TTLL9: variants seen among roughly 807,000 people sequenced by gnomAD.
TTLL9 encodes the protein probable tubulin polyglutamylase TTLL9.
TTLL9 carries 47 observed loss-of-function variants against 65.6 expected under a neutral mutation model. The ratio of observed to expected loss-of-function variants is 0.72; its 90% CI spans 0.57 to 0.91. TTLL9 has a LOEUF of 0.91. Ranked by LOEUF, TTLL9 falls within the 40% of genes least tolerant of loss-of-function variation. TTLL9 has a pLI of 0.00. For missense variants in TTLL9, 537 were observed against 568.8 expected (o/e 0.94, Z 0.57); for synonymous variants, 179 against 204.8 (o/e 0.87, Z 1.07).
Position 31,898,492 on chromosome 20 carries a change from C to A in TTLL9, c.133C>A (p.Arg45=). Residue 45 remains arginine (R), a synonymous_variant, in exon 4 of 15, where the codon CGG becomes AGG. Coordinates refer to ENST00000535842, the MANE Select transcript of TTLL9 (RefSeq NM_001008409.5). ...GKEREQRASI[R]FKTTLMNTLM... ...TTGCAGAGAGCAGAGAGCATCGATC[C>A]GGTTCAAGACCACCCTCATGAACAC... 1 of 1,614,148 alleles carries A rather than the reference C, an allele frequency of 6.2e-7. No homozygotes were observed. The highest frequency in any genetic ancestry group is 8.5e-7 in the Non-Finnish European group (1 of 1,180,018).
intron 2 of TTLL9, among the ~76,000 whole-genome samples, chr20:31,880,850 T>TC (rs1303728044): frequency 1.7e-5 from 2 of 117,984 alleles, no homozygotes; most frequent in African/African-American, 7.0e-5. Context: ...CTTCTTTCTT[T>TC]CCTTTTTTTT....
intron 14 of TTLL9, among the ~76,000 whole-genome samples, chr20:31,941,572 T>TG (rs1349589791): frequency 1.3e-5 from 2 of 151,990 alleles, no homozygotes; most frequent in Non-Finnish European, 2.9e-5. Context: ...TTATTATTTT[T>TG]TTTTGAGACG....
At chr20:31,905,862 T>C (rs1180189419) in intron 4 of TTLL9, among the ~76,000 whole-genome samples, 1 of 151,992 alleles carries the variant, frequency 6.6e-6, no homozygotes, top group Non-Finnish European at 1.5e-5. Flanking sequence ...GGAGAAACCC[T>C]GTCTCTACTA....
rs112516782 is a variant in TTLL9 at position 31,933,913 on chromosome 20, G to A, written c.807+55G>A. ...GTACAGCCCTCTGGCGCCAGGTCGG[G>A]GTGGGGAGGGTGGAGTGGCAAGGAG... On this transcript the variant is annotated intron_variant, in intron 11 of 14. Transcript: ENST00000535842. 1.4e-4 allele frequency: 208 copies of A among 1,535,458 alleles called. 2 individuals carry two copies. The African/African-American group carries it at 2.1e-3, about 16-fold the overall frequency.
chr20:31,897,920 C>T (rs997046727), intron 3 of TTLL9, among the ~76,000 whole-genome samples: 28 of 152,232 alleles, frequency 1.8e-4, no homozygotes, highest in African/African-American at 4.6e-4. Context: ...AAGCTTTTGT[C>T]GTCTATGCCC....
intron 2 of TTLL9, among the ~76,000 whole-genome samples, chr20:31,873,786 A>G (rs6121252): frequency 2.3e-5 from 3 of 127,916 alleles, no homozygotes; most frequent in Non-Finnish European, 5.1e-5. Context: ...AAGAAAGAAA[A>G]AGAAAGAAAG....
chr20:31,901,783 C>T (rs1464210632), intron 4 of TTLL9, among the ~76,000 whole-genome samples: 1 of 152,222 alleles, frequency 6.6e-6, no homozygotes, highest in African/African-American at 2.4e-5. Flanking sequence ...AGGGTGACTC[C>T]ACCCAGCGTA....
rs1003821003 is a variant in TTLL9 at position 31,919,794 on chromosome 20, C to T, written c.505-70C>T. The T allele has an allele frequency of 3.0e-6, 4 of 1,333,948 alleles. No homozygotes were observed. The African/African-American group carries it at 4.6e-5, about 15-fold the overall frequency. 82.6% of individuals were successfully genotyped at this position (1,333,948 alleles called of 1,614,324 possible). A position where few individuals can be genotyped will look rare whatever the true frequency, so the allele number is the denominator to read the frequency against. On this transcript the variant is annotated intron_variant, in intron 6 of 14. Coordinates refer to ENST00000535842, the MANE Select transcript of TTLL9 (RefSeq NM_001008409.5). ...AGAGACAGATATGCTGGGGAGAGCCCCCAGCCACGGGGGCCAACAAGGAAC... is the reference window on the plus strand; with the variant it reads ...AGAGACAGATATGCTGGGGAGAGCCTCCAGCCACGGGGGCCAACAAGGAAC...
At chr20:31,876,670 T>G (rs937363652) in intron 2 of TTLL9, among the ~76,000 whole-genome samples, 7 of 152,280 alleles carry the variant, frequency 4.6e-5, no homozygotes, top group African/African-American at 1.7e-4. Flanking sequence ...GCCTATAAGA[T>G]ATCGTCTAGT....
intron 9 of TTLL9, chr20:31,925,803 C>A: frequency 1.4e-6 from 2 of 1,392,782 alleles, no homozygotes; most frequent in Non-Finnish European, 2.0e-6. Context: ...GGTGCAAGAG[C>A]TAGGCGGTGT....
chr20:31,936,925 A>C (rs1301940221), intron 12 of TTLL9, among the ~76,000 whole-genome samples: 1 of 151,960 alleles, frequency 6.6e-6, no homozygotes, highest in Non-Finnish European at 1.5e-5. Flanking sequence ...GTGAAACCCC[A>C]TCTCTACTAA....
chr20:31,927,728 C>T (rs1173820650), intron 10 of TTLL9, among the ~76,000 whole-genome samples: 5 of 152,048 alleles, frequency 3.3e-5, no homozygotes, highest in African/African-American at 7.2e-5. Flanking sequence ...GGCAAATGGG[C>T]GGGACCAGAT....
intron 2 of TTLL9, among the ~76,000 whole-genome samples, chr20:31,873,824 G>GAAAGAA (rs2062993550): frequency 2.3e-4 from 10 of 44,178 alleles, no homozygotes; most frequent in African/African-American, 8.9e-4. Flanking sequence ...AAGGAAGGAA[G>GAAAGAA]AAAGAAAGAA....
rs183220159 is a variant in TTLL9 at position 31,907,402 on chromosome 20, C to A, written c.207-1189C>A. ...CGCCATGTGCCATGATGCATGGATA[C>A]ACACATATATACATGATGAAACTAT... On this transcript the variant is annotated intron_variant, in intron 4 of 14. Coordinates refer to ENST00000535842, the MANE Select transcript of TTLL9 (RefSeq NM_001008409.5). 9.9e-5 allele frequency among the ~76,000 whole-genome samples: 15 copies of A among 152,266 alleles called. 1 individual carries two copies. The East Asian group carries it at 2.9e-3, about 29-fold the overall frequency.
At chr20:31,874,488 T>C (rs1341403708) in intron 2 of TTLL9, among the ~76,000 whole-genome samples, 2 of 150,420 alleles carry the variant, frequency 1.3e-5, no homozygotes, top group Non-Finnish European at 2.9e-5. Context: ...CTCGGCTCAG[T>C]GCAACCTCTG....
intron 4 of TTLL9, among the ~76,000 whole-genome samples, chr20:31,902,720 G>A (rs1005027481): frequency 3.3e-5 from 5 of 152,118 alleles, no homozygotes; most frequent in African/African-American, 1.2e-4. Flanking sequence ...GAGTGACTGG[G>A]TGATATGATA....
chr20:31,921,240 C>T (rs1850013137), intron 7 of TTLL9, among the ~76,000 whole-genome samples: 1 of 152,160 alleles, frequency 6.6e-6, no homozygotes, highest in Non-Finnish European at 1.5e-5. Flanking sequence ...CATCAGTGGC[C>T]ATCAGAGAAA....
intron 2 of TTLL9, among the ~76,000 whole-genome samples, chr20:31,883,080 A>G (rs894903074): frequency 6.6e-6 from 1 of 152,230 alleles, no homozygotes; most frequent in Non-Finnish European, 1.5e-5. Context: ...TGGACCCTTC[A>G]GAGACCCCCA....
chr20:31,929,303 G>C (rs1219594698), intron 10 of TTLL9, among the ~76,000 whole-genome samples: 1 of 152,140 alleles, frequency 6.6e-6, no homozygotes, highest in Non-Finnish European at 1.5e-5. Context: ...CAATGGATAG[G>C]CCTTACTCTA....
Sources: allele counts gnomAD v4.1 joint callset (sites outside exome capture counted in the v4.1 genomes callset), GRCh38; gene constraint gnomAD v4.1.1; transcripts MANE v1.5; gene names NCBI Gene and HGNC (gene_info 2026-07-23, HGNC 2026-07-21).